CRISP1: variants seen among roughly 807,000 people sequenced by gnomAD.
CRISP1 encodes the protein cysteine-rich secretory protein 1.
A neutral mutation model predicts 33.1 loss-of-function variants in CRISP1; 44 were observed. That is an observed-to-expected ratio of 1.33 (90% CI 1.05 to 1.71). The LOEUF is 1.71. Among genes scored for constraint, CRISP1 ranks in the 40% most tolerant of loss-of-function variants. The pLI, the probability that CRISP1 is intolerant of heterozygous loss-of-function variation, is 0.00. For synonymous variants in CRISP1, 103 were observed against 98.7 expected (o/e 1.04, Z -0.26); for missense variants, 390 against 301.2 (o/e 1.29, Z -2.18).
upstream of CRISP1, among the ~76,000 whole-genome samples, chr6:49,866,704 AC>A (rs1771807031): frequency 6.6e-6 from 1 of 152,172 alleles, no homozygotes; most frequent in African/African-American, 2.4e-5. Context: ...AATGGAACTC[AC>A]CAATTTTAAA....
intron 1 of CRISP1, among the ~76,000 whole-genome samples, chr6:49,876,185 C>T (rs918228720): frequency 1.3e-5 from 2 of 151,954 alleles, no homozygotes; most frequent in Non-Finnish European, 2.9e-5. Context: ...GGAACTTAAA[C>T]AAATTTGCAA....
intron 1 of CRISP1, among the ~76,000 whole-genome samples, chr6:49,872,380 G>T (rs1485631214): frequency 6.6e-6 from 1 of 151,958 alleles, no homozygotes; most frequent in Admixed American, 6.6e-5. Context: ...AGTTTCTTTT[G>T]CTGTGCAGAA....
intron 7 of CRISP1, among the ~76,000 whole-genome samples, chr6:49,836,175 C>T (rs1389079458): frequency 1.3e-5 from 2 of 151,894 alleles, no homozygotes; most frequent in African/African-American, 4.8e-5. Flanking sequence ...AATTTAATTC[C>T]CTCTCTCTTT....
At chr6:49,849,607 T>C (rs891483008) in intron 3 of CRISP1, among the ~76,000 whole-genome samples, 1 of 152,192 alleles carries the variant, frequency 6.6e-6, no homozygotes, top group African/African-American at 2.4e-5. Context: ...TATGTGCATA[T>C]AACAGATTGC....
intron 5 of CRISP1, among the ~76,000 whole-genome samples, chr6:49,843,002 T>G (rs1306439604): frequency 6.6e-6 from 1 of 152,194 alleles, no homozygotes; most frequent in African/African-American, 2.4e-5. Context: ...ATTTTGAAAG[T>G]GACACCGATT....
intron 1 of CRISP1, among the ~76,000 whole-genome samples, chr6:49,860,630 G>A (rs1039455452): frequency 6.6e-6 from 1 of 152,024 alleles, no homozygotes; most frequent in African/African-American, 2.4e-5. Flanking sequence ...TGTGCTAAAA[G>A]GCAAGTTTAT....
chr6:49,838,350 C>T (rs530950126), intron 7 of CRISP1, 87 bp downstream of exon 7: 34 of 938,580 alleles, frequency 3.6e-5, no homozygotes, highest in African/African-American at 2.5e-4. Flanking sequence ...TAGAAAAGTG[C>T]GATGTTTTTT....
chr6:49,844,594 G>T (rs142075178), intron 5 of CRISP1, among the ~76,000 whole-genome samples: 2,647 of 152,246 alleles, frequency 0.017, 251 homozygotes, highest in Admixed American at 0.16. Flanking sequence ...AAGGGAAGAG[G>T]CTGCCTCACT....
Position 49,859,859 on chromosome 6 carries a change from A to G in CRISP1, c.-2-2457T>C, listed in dbSNP as rs550529079. On this transcript the variant is annotated intron_variant, in intron 1 of 7. Coordinates refer to ENST00000335847, the MANE Select transcript of CRISP1 (RefSeq NM_001131.3). Reference sequence around the variant, plus strand: ...AATATGACCCAACTGTATTCTGTCTATAAGAAAGTCATCTCACCTGTAAAG... The same window carrying G: ...AATATGACCCAACTGTATTCTGTCTGTAAGAAAGTCATCTCACCTGTAAAG... Among the ~76,000 whole-genome samples the G allele has an allele frequency of 3.0e-4, 45 of 152,288 alleles. 2 individuals carry two copies. The highest frequency in any genetic ancestry group is 2.6e-3 in the Admixed American group (39 of 15,284).
At chr6:49,854,081 T>C (rs1378497191) in intron 2 of CRISP1, among the ~76,000 whole-genome samples, 1 of 152,172 alleles carries the variant, frequency 6.6e-6, no homozygotes, top group African/African-American at 2.4e-5. Flanking sequence ...ATGTGAAATA[T>C]CCTTCTTCCC....
At chr6:49,844,999 G>A (rs1771113210) in intron 5 of CRISP1, among the ~76,000 whole-genome samples, 1 of 152,118 alleles carries the variant, frequency 6.6e-6, no homozygotes, top group South Asian at 2.1e-4. Flanking sequence ...GGGCTCTTGG[G>A]ATGGAACGAA....
intron 7 of CRISP1, among the ~76,000 whole-genome samples, chr6:49,837,712 T>G (rs2127468244): frequency 6.6e-6 from 1 of 152,246 alleles, no homozygotes; most frequent in South Asian, 2.1e-4. Flanking sequence ...GATATTTTTC[T>G]AAGGTTTATT....
At chr6:49,870,371 T>G (rs1262606663), upstream of CRISP1, among the ~76,000 whole-genome samples, 1 of 151,930 alleles carries the variant, frequency 6.6e-6, no homozygotes, top group Non-Finnish European at 1.5e-5. Context: ...GACAATAGAG[T>G]AACCAGTAGT....
upstream of CRISP1, among the ~76,000 whole-genome samples, chr6:49,866,866 T>G (rs1373497914): frequency 6.6e-6 from 1 of 152,162 alleles, no homozygotes; most frequent in Admixed American, 6.6e-5. Context: ...TATTGAGGTC[T>G]TAAGATGATT....
intron 6 of CRISP1, 43 bp downstream of exon 6, chr6:49,840,854 GT>G: frequency 1.4e-6 from 2 of 1,445,566 alleles, no homozygotes; most frequent in Non-Finnish European, 1.9e-6. Context: ...ACTAGATTAG[GT>G]TACTTTAGGG....
At chr6:49,871,203 C>CA (rs1771916365), upstream of CRISP1, among the ~76,000 whole-genome samples, 1 of 151,542 alleles carries the variant, frequency 6.6e-6, no homozygotes, top group Non-Finnish European at 1.5e-5. Flanking sequence ...ACTCATTATT[C>CA]AAAAACATTG....
chr6:49,866,430 C>T lies in CRISP1; in HGVS notation c.-4G>A, dbSNP rs528889423. 4 of 152,152 alleles carry T rather than the reference C, an allele frequency of 2.6e-5. No individual in the cohort carries two copies. In the East Asian group the frequency reaches 7.7e-4, roughly 29 times the overall value. 9.4% of individuals were successfully genotyped at this position (152,152 alleles called of 1,614,324 possible). ...TGACAAAGATATTATATAACTTACC[C>T]AAGTCCACACAGCCTTTAAATTTGT... On this transcript the variant is annotated splice_region_variant and 5_prime_UTR_variant, in exon 1 of 8. Transcript: ENST00000335847.
rs549477953 is a variant in CRISP1, at chr6:49,858,324, C to T, written c.-2-922G>A. On this transcript the variant is annotated intron_variant, in intron 1 of 7. Coordinates refer to ENST00000335847, the MANE Select transcript of CRISP1 (RefSeq NM_001131.3). ...GAATTTGGTTGGCACCTTCTTTTCA[C>T]CATCTGCCAAGTTTATTTCTGAATT... Among the ~76,000 whole-genome samples the T allele has an allele frequency of 1.2e-3, 187 of 151,246 alleles. 1 individual carries two copies. Among genetic ancestry groups the T allele is most frequent in the African/African-American group, 4.3e-3 (176 of 40,580 alleles).
intron 3 of CRISP1, among the ~76,000 whole-genome samples, chr6:49,850,535 A>G (rs550240579): frequency 6.6e-6 from 1 of 152,120 alleles, no homozygotes; most frequent in Non-Finnish European, 1.5e-5. Flanking sequence ...AATTGTGGTT[A>G]ACTCTTCAGT....
Sources: gnomAD v4.1 joint callset for allele counts (sites outside exome capture counted in the v4.1 genomes callset) on GRCh38, gnomAD v4.1.1 for gene constraint, MANE v1.5 for transcripts, NCBI Gene and HGNC (gene_info 2026-07-23, HGNC 2026-07-21) for gene names.